The following ANKRD6 variants were observed in gnomAD, a reference collection of about 807,000 sequenced individuals.
ANKRD6 encodes the protein ankyrin repeat domain-containing protein 6.
A neutral mutation model predicts 82.3 loss-of-function variants in ANKRD6; 56 were observed. The ratio of observed to expected loss-of-function variants is 0.68; its 90% confidence interval spans 0.55 to 0.85. The LOEUF (loss-of-function observed/expected upper bound fraction) is 0.85, where lower values mean the gene tolerates loss of function less well. ANKRD6 is among the 40% of genes least tolerant of loss of function. The pLI is 0.00. For missense variants in ANKRD6, 852 were observed against 907.6 expected, an observed-to-expected ratio of 0.94 and a Z score of 0.79; for synonymous variants, 347 against 352.1, an observed-to-expected ratio of 0.99 and a Z score of 0.16.
chr6:89,496,178 C>CG (rs1778595756), intron 1 of ANKRD6, among the ~76,000 whole-genome samples: 1 of 138,290 alleles, frequency 7.2e-6, no homozygotes. Context: ...TCCACACTGC[C>CG]CCCCCCCCCA....
intron 1 of ANKRD6, among the ~76,000 whole-genome samples, chr6:89,534,732 G>A (rs1783616939): frequency 6.6e-6 from 1 of 152,218 alleles, no homozygotes; most frequent in Non-Finnish European, 1.5e-5. Flanking sequence ...TCATGGGGAT[G>A]AGGGTGAGGG....
At chr6:89,612,402 CTCTTTCTTGTGTCACT>C (rs1563066473) in intron 6 of ANKRD6, 32 bp downstream of exon 6, 1 of 1,521,764 alleles carries the variant, frequency 6.6e-7, no homozygotes, top group African/African-American at 1.4e-5. Context: ...CTCACGTTCT[CTCTTTCTTGTGTCACT>C]TCAGAAAATA....
At chr6:89,628,593 C>A (rs1317860935) in intron 14 of ANKRD6, among the ~76,000 whole-genome samples, 3 of 152,258 alleles carry the variant, frequency 2.0e-5, no homozygotes, top group East Asian at 3.9e-4. Context: ...CATGGTGAAA[C>A]CCCACCTCTA....
chr6:89,596,115 C>G (rs1795834225), intron 3 of ANKRD6, 101 bp downstream of exon 3: 4 of 999,058 alleles, frequency 4.0e-6, no homozygotes, highest in Non-Finnish European at 6.1e-6. Flanking sequence ...GTAGTAGATG[C>G]TCTCGCAGCA....
At chr6:89,591,928 C>T (rs1794998985) in intron 2 of ANKRD6, among the ~76,000 whole-genome samples, 1 of 152,224 alleles carries the variant, frequency 6.6e-6, no homozygotes, top group African/African-American at 2.4e-5. Flanking sequence ...TAGCTCAGCT[C>T]CTGAAGCTCT....
intron 1 of ANKRD6, among the ~76,000 whole-genome samples, chr6:89,506,072 G>A (rs965553651): frequency 2.6e-5 from 4 of 152,096 alleles, no homozygotes; most frequent in Non-Finnish European, 5.9e-5. Context: ...GGAAGCAATG[G>A]GAACATGTTA....
In ANKRD6 at chr6:89,598,200, A is replaced by C. The variant is rs955927023; in HGVS notation, c.219+2186A>C. The C allele has an allele frequency of 2.1e-5, 21 of 985,298 alleles. No homozygotes were observed. In the South Asian group the frequency reaches 8.0e-4, roughly 37 times the overall value. 61.0% of individuals were successfully genotyped at this position (985,298 alleles called of 1,614,324 possible). On this transcript the variant is annotated intron_variant, in intron 3 of 15. Transcript: ENST00000339746. The stretch of plus-strand genomic sequence containing the variant: ...TTCAACCTGTGGAAACCAGTTCTTT[A>C]GATTATGCAACTCCAGGAGCAAATT...
intron 1 of ANKRD6, among the ~76,000 whole-genome samples, chr6:89,443,900 T>C (rs1344714545): frequency 6.6e-6 from 1 of 152,252 alleles, no homozygotes; most frequent in Non-Finnish European, 1.5e-5. Flanking sequence ...AATCACTCAC[T>C]GTGTGAGCTT....
In ANKRD6 at chr6:89,567,003, A is replaced by G; in HGVS notation, c.27A>G (p.Ala9=). ...TGAGCCAGCAAGATGCGGTCGCTGC[A>G]CTTTCAGAGCGCCTTCTCGTAGCTG... MSQQDAVA[A]LSERLLVAAY... is the part of the protein sequence containing the mutation. The change falls in exon 2 of 16, where the codon GCA becomes GCG. Residue 9 remains alanine, a synonymous_variant. Coordinates refer to ENST00000339746, the MANE Select transcript of ANKRD6 (RefSeq NM_001242809.2). 3 of 1,601,748 alleles carry G rather than the reference A, an allele frequency of 1.9e-6. No homozygotes were observed. The highest frequency in any genetic ancestry group is 2.6e-6 in the Non-Finnish European group (3 of 1,173,922).
At chr6:89,607,078 A>G (rs1798826811) in intron 5 of ANKRD6, among the ~76,000 whole-genome samples, 1 of 151,828 alleles carries the variant, frequency 6.6e-6, no homozygotes, top group Non-Finnish European at 1.5e-5. Context: ...GCTGAGACAC[A>G]AGAATCGCTT....
intron 1 of ANKRD6, among the ~76,000 whole-genome samples, chr6:89,491,417 T>C (rs1294190125): frequency 2.0e-5 from 3 of 152,162 alleles, no homozygotes; most frequent in Non-Finnish European, 4.4e-5. Flanking sequence ...CCATACAATC[T>C]AGGAAGAATT....
intron 1 of ANKRD6, among the ~76,000 whole-genome samples, chr6:89,551,720 TG>T (rs1785874937): frequency 6.6e-6 from 1 of 152,170 alleles, no homozygotes; most frequent in Admixed American, 6.5e-5. Flanking sequence ...TCTTAAGCTT[TG>T]TAATTTCTCA....
chr6:89,554,162 G>A (rs1257803747), intron 1 of ANKRD6, among the ~76,000 whole-genome samples: 3 of 152,204 alleles, frequency 2.0e-5, no homozygotes, highest in Non-Finnish European at 4.4e-5. Context: ...AAACGACATG[G>A]CTGGAAACAA....
At chr6:89,613,771 G>T (rs1241621884) in intron 6 of ANKRD6, 21 bp from the exon 7 acceptor site, 2 of 1,610,702 alleles carry the variant, frequency 1.2e-6, no homozygotes, top group Non-Finnish European at 1.7e-6. Flanking sequence ...ATTGTGCTTA[G>T]AGTTTGATTT....
At chr6:89,616,094 G>C (rs538578979) in intron 7 of ANKRD6, among the ~76,000 whole-genome samples, 2 of 152,106 alleles carry the variant, frequency 1.3e-5, no homozygotes, top group African/African-American at 4.8e-5. Context: ...TCACCTCTCC[G>C]GTGCTTGCAG....
At chr6:89,529,163 T>C (rs550728862) in intron 1 of ANKRD6, among the ~76,000 whole-genome samples, 1 of 152,372 alleles carries the variant, frequency 6.6e-6, no homozygotes, top group Admixed American at 6.5e-5. Flanking sequence ...AGATGGAATC[T>C]TCTTCCAGTA....
chr6:89,597,434 C>T (rs962821271), intron 3 of ANKRD6, among the ~76,000 whole-genome samples: 14 of 152,164 alleles, frequency 9.2e-5, no homozygotes, highest in African/African-American at 3.1e-4. Context: ...GTCTTCTCTT[C>T]GCATAATTAA....
At chr6:89,435,336 C>T (rs1005333522) in intron 1 of ANKRD6, among the ~76,000 whole-genome samples, 4 of 152,218 alleles carry the variant, frequency 2.6e-5, no homozygotes, top group African/African-American at 9.6e-5. Context: ...TACCCCTCTC[C>T]ATTGCCTTCC....
chr6:89,545,636 G>T (rs1355963782), intron 1 of ANKRD6, among the ~76,000 whole-genome samples: 2 of 152,096 alleles, frequency 1.3e-5, no homozygotes, highest in Non-Finnish European at 1.5e-5. Context: ...GCCAAGTGTT[G>T]CCCCTGAAGT....
Sources: allele counts gnomAD v4.1 joint callset (sites outside exome capture counted in the v4.1 genomes callset), GRCh38; gene constraint gnomAD v4.1.1; transcripts MANE v1.5; gene names NCBI Gene and HGNC (gene_info 2026-07-23, HGNC 2026-07-21).